RB1: variants seen among roughly 807,000 people sequenced by gnomAD.
RB1 encodes retinoblastoma-associated protein.
In RB1, 18 loss-of-function variants were observed where a neutral mutation model predicts 135.4. That is an observed-to-expected ratio of 0.13 (90% CI 0.09 to 0.20). The LOEUF is 0.20. Ranked by LOEUF, RB1 falls within the 10% of genes least tolerant of loss-of-function variation. RB1 has a pLI of 1.00. For synonymous variants in RB1, 365 were observed against 373.2 expected, an observed-to-expected ratio of 0.98 and a Z score of 0.25; for missense variants, 868 against 1,110.0, an observed-to-expected ratio of 0.78 and a Z score of 3.10.
chr13:48,304,173 C>T (rs1172736739), intron 1 of RB1, 124 bp downstream of exon 1: 5 of 1,085,954 alleles, frequency 4.6e-6, no homozygotes, highest in Admixed American at 4.3e-5. Context: ...CGGGAGGAGG[C>T]GCCCTCCCTG....
intron 4 of RB1, among the ~76,000 whole-genome samples, chr13:48,346,246 C>T (rs961841265): frequency 2.0e-5 from 3 of 151,134 alleles, no homozygotes; most frequent in Non-Finnish European, 4.4e-5. Flanking sequence ...ACTTGGAAAA[C>T]ACAGAAAGGC....
At chr13:48,456,376 A>C (rs761452701) in intron 19 of RB1, 27 bp downstream of exon 19, 3 of 1,611,990 alleles carry the variant, frequency 1.9e-6, no homozygotes, top group Admixed American at 3.3e-5. Flanking sequence ...TTTCAAGAGC[A>C]TGGACTCTGA....
chr13:48,475,111 A>G (rs1166533709), intron 24 of RB1, among the ~76,000 whole-genome samples: 1 of 152,088 alleles, frequency 6.6e-6, no homozygotes, highest in Non-Finnish European at 1.5e-5. Flanking sequence ...GGCTTCCACG[A>G]TACCCCGTCT....
chr13:48,365,620 A>G (rs1046746627), intron 9 of RB1, among the ~76,000 whole-genome samples: 8 of 152,258 alleles, frequency 5.3e-5, no homozygotes, highest in African/African-American at 1.7e-4. Context: ...CCAGTGTTTT[A>G]GAAGACATAG....
At chr13:48,376,774 T>C in intron 12 of RB1, 144 bp from the exon 13 acceptor site, 2 of 1,195,922 alleles carry the variant, frequency 1.7e-6, no homozygotes, top group South Asian at 2.7e-5. Context: ...CTGCTTATGT[T>C]CAGTAGTTGT....
intron 2 of RB1, among the ~76,000 whole-genome samples, chr13:48,308,311 C>T (rs1952102979): frequency 6.7e-6 from 1 of 150,264 alleles, no homozygotes; most frequent in African/African-American, 2.4e-5. Flanking sequence ...GATCGCACCA[C>T]TGCACTCCAG....
In RB1 at chr13:48,480,106, T is replaced by C. The variant is rs376192929; in HGVS notation, c.*35T>C. On this transcript the variant is annotated 3_prime_UTR_variant, in exon 27 of 27. Transcript: ENST00000267163. ...GACCTTGGTGGACACTGTGTACACCTCTGGATTCATTGTCTCTCACAGATG... is the reference window on the plus strand; with the variant it reads ...GACCTTGGTGGACACTGTGTACACCCCTGGATTCATTGTCTCTCACAGATG... The C allele has an allele frequency of 2.3e-4, 343 of 1,504,018 alleles. No homozygotes were observed. Among genetic ancestry groups the C allele is most frequent in the Admixed American group, 4.4e-4 (26 of 59,676 alleles). 93.2% of individuals were successfully genotyped at this position (1,504,018 alleles called of 1,614,324 possible). A position where few individuals can be genotyped will look rare whatever the true frequency, so the allele number is the denominator to read the frequency against.
At chr13:48,377,089 G>T (rs936768914) in intron 13 of RB1, 55 bp downstream of exon 13, 29 of 1,534,508 alleles carry the variant, frequency 1.9e-5, no homozygotes, top group Non-Finnish European at 2.3e-5. Context: ...ATTAAAAGCA[G>T]CATCTTTCCA....
intron 2 of RB1, chr13:48,317,466 A>AT: frequency 2.3e-6 from 1 of 429,488 alleles, no homozygotes. Context: ...CTTCCTGGCT[A>AT]GGGGTCAGGA....
intron 17 of RB1, among the ~76,000 whole-genome samples, chr13:48,435,852 A>T (rs1949177936): frequency 6.6e-6 from 1 of 152,140 alleles, no homozygotes; most frequent in Non-Finnish European, 1.5e-5. Flanking sequence ...ATCTTTGTCA[A>T]AAAGGGAACA....
At chr13:48,464,165 A>G (rs1434644046) in intron 21 of RB1, among the ~76,000 whole-genome samples, 1 of 152,228 alleles carries the variant, frequency 6.6e-6, no homozygotes, top group Non-Finnish European at 1.5e-5. Flanking sequence ...ATTACTTTAT[A>G]GGAAAAGCCA....
At chr13:48,463,932 T>C (rs1354818552) in intron 21 of RB1, 97 bp downstream of exon 21, 4 of 769,016 alleles carry the variant, frequency 5.2e-6, no homozygotes, top group Non-Finnish European at 6.9e-6. Flanking sequence ...AATGAGATCA[T>C]ATATTCTGTC....
intron 26 of RB1, among the ~76,000 whole-genome samples, chr13:48,478,268 A>G (rs1258047052): frequency 6.6e-6 from 1 of 152,164 alleles, no homozygotes; most frequent in Non-Finnish European, 1.5e-5. Context: ...AACTTTGAAA[A>G]TAAGATATTT....
intron 2 of RB1, among the ~76,000 whole-genome samples, chr13:48,315,986 C>T (rs964235164): frequency 2.5e-4 from 38 of 152,188 alleles, no homozygotes; most frequent in African/African-American, 8.9e-4. Flanking sequence ...ATTCCCTTTT[C>T]ACTGCATCCT....
At chr13:48,317,637 T>G (rs1952197635) in intron 2 of RB1, 2 of 499,048 alleles carry the variant, frequency 4.0e-6, no homozygotes, top group Non-Finnish European at 6.4e-6. Context: ...TCCTGCTCGC[T>G]GAGAGCCCCT....
intron 24 of RB1, chr13:48,476,317 C>T: frequency 4.5e-6 from 1 of 221,116 alleles, no homozygotes; most frequent in Non-Finnish European, 9.2e-6. Flanking sequence ...TGTATAATAG[C>T]CTAAAAAACA....
rs1056987538 is a variant in RB1 at position 48,308,389 on chromosome 13, C to T, written c.264+983C>T. ...AAAAATAAGGCTGGGCGTGGTGGCT[C>T]AAACCTGTAATCCCAGCACTTTGGG... is the stretch of plus-strand genomic sequence containing the variant. On this transcript the variant is annotated intron_variant, in intron 2 of 26. Transcript: ENST00000267163. 3.9e-5 allele frequency among the ~76,000 whole-genome samples: 6 copies of T among 151,924 alleles called. 1 individual carries two copies. Among genetic ancestry groups the T allele is most frequent in the African/African-American group, 1.2e-4 (5 of 41,344 alleles).
chr13:48,467,291 T>A (rs879504520), intron 23 of RB1, among the ~76,000 whole-genome samples: 1 of 81,500 alleles, frequency 1.2e-5, no homozygotes, highest in Admixed American at 1.3e-4. Context: ...ACCCAGAATT[T>A]CATATCCAGC....
intron 2 of RB1, among the ~76,000 whole-genome samples, chr13:48,315,338 G>A (rs988633215): frequency 2.0e-5 from 3 of 152,022 alleles, no homozygotes; most frequent in Non-Finnish European, 4.4e-5. Context: ...TCTCAGCTTG[G>A]GTATTGGTAC....
Sources: allele counts gnomAD v4.1 joint callset (sites outside exome capture counted in the v4.1 genomes callset), GRCh38; gene constraint gnomAD v4.1.1; transcripts MANE v1.5; gene names NCBI Gene and HGNC (gene_info 2026-07-23, HGNC 2026-07-21).